TAF2: variants seen among roughly 807,000 people sequenced by gnomAD.
TAF2 encodes the protein transcription initiation factor TFIID subunit 2.
TAF2 carries 61 observed loss-of-function variants against 138.5 expected under a neutral mutation model. The observed-to-expected ratio is 0.44, with a 90% CI of 0.36 to 0.54. TAF2 has a LOEUF of 0.54. Among genes scored for constraint, TAF2 ranks in the 20% least tolerant of loss-of-function variants. TAF2 has a pLI of 0.00. For synonymous variants in TAF2, 475 were observed against 469.9 expected (o/e 1.01, Z -0.14); for missense variants, 1,090 against 1,427.9 (o/e 0.76, Z 3.81).
At chr8:119,758,025 C>G (rs1360190268) in intron 21 of TAF2, 48 bp downstream of exon 21, 1 of 1,470,212 alleles carries the variant, frequency 6.8e-7, no homozygotes, top group African/African-American at 1.4e-5. Context: ...TTACTCAGTT[C>G]ACTATAGGAC....
intron 22 of TAF2, among the ~76,000 whole-genome samples, 171 bp downstream of exon 22, chr8:119,755,835 C>T (rs2131039280): frequency 6.6e-6 from 1 of 152,080 alleles, no homozygotes; most frequent in Non-Finnish European, 1.5e-5. Context: ...TGAGTATATC[C>T]TTAATAAATG....
rs1826555246 is a variant in TAF2, at chr8:119,832,817, C to T, written c.-253G>A. ...TCCGCAAGGGCTCGAAGCTACCATC[C>T]GCCGACATCTTGTCTGTAACCTCTG... On this transcript the variant is annotated 5_prime_UTR_variant, in exon 1 of 26. Coordinates refer to ENST00000378164, the MANE Select transcript of TAF2 (RefSeq NM_003184.4). 1.1e-5 allele frequency: 5 copies of T among 454,318 alleles called. No individual in the cohort carries two copies. The highest frequency in any genetic ancestry group is 2.0e-5 in the Non-Finnish European group (5 of 254,954). The allele number at this position is 454,318 out of a possible 1,614,324, so 28.1% of individuals were successfully genotyped here.
chr8:119,774,543 G>A (rs199823767), intron 18 of TAF2, among the ~76,000 whole-genome samples: 2 of 148,030 alleles, frequency 1.4e-5, no homozygotes, highest in African/African-American at 2.5e-5. Context: ...CGTATTTTAC[G>A]TGTGGCCCAA....
intron 3 of TAF2, 109 bp from the exon 4 acceptor site, chr8:119,806,510 C>T (rs2131221758): frequency 1.2e-6 from 1 of 848,320 alleles, no homozygotes; most frequent in Non-Finnish European, 1.9e-6. Flanking sequence ...CACTCTGTTG[C>T]CCAGGCCAGA....
intron 9 of TAF2, among the ~76,000 whole-genome samples, chr8:119,795,136 C>T (rs1563890647): frequency 6.6e-6 from 1 of 152,008 alleles, no homozygotes; most frequent in African/African-American, 2.4e-5. Flanking sequence ...GCATCATGCA[C>T]ATTACTTGTA....
chr8:119,782,388 G>A (rs192302842), intron 16 of TAF2, among the ~76,000 whole-genome samples: 2 of 152,238 alleles, frequency 1.3e-5, no homozygotes, highest in East Asian at 3.9e-4. Context: ...AGCATACAGG[G>A]ATCACAAAGA....
chr8:119,754,260 A>C (rs1008624105), intron 22 of TAF2, among the ~76,000 whole-genome samples: 1 of 152,246 alleles, frequency 6.6e-6, no homozygotes. Context: ...TAGTGAACTA[A>C]GTAATAAAAT....
intron 25 of TAF2, among the ~76,000 whole-genome samples, chr8:119,733,391 G>A (rs988222384): frequency 6.6e-6 from 1 of 152,100 alleles, no homozygotes; most frequent in African/African-American, 2.4e-5. Context: ...TCAGTACAAA[G>A]AAAGAAACAG....
intron 23 of TAF2, chr8:119,745,095 C>T (rs989808768): frequency 4.4e-6 from 2 of 451,738 alleles, no homozygotes; most frequent in Non-Finnish European, 8.9e-6. Context: ...CATATTATAG[C>T]TGAAAACTAA....
At chr8:119,825,653 G>C (rs1826047568) in intron 2 of TAF2, among the ~76,000 whole-genome samples, 1 of 152,140 alleles carries the variant, frequency 6.6e-6, no homozygotes, top group African/African-American at 2.4e-5. Flanking sequence ...CTGTTGTCAT[G>C]ATAGTCTCAC....
chr8:119,808,657 GA>G (rs1444692433), intron 3 of TAF2, among the ~76,000 whole-genome samples: 1 of 152,180 alleles, frequency 6.6e-6, no homozygotes, highest in Non-Finnish European at 1.5e-5. Context: ...CTTGAAAGTA[GA>G]AATTACTCTT....
At chr8:119,804,656 G>C (rs976798020) in intron 4 of TAF2, among the ~76,000 whole-genome samples, 1 of 152,128 alleles carries the variant, frequency 6.6e-6, no homozygotes, top group African/African-American at 2.4e-5. Context: ...GGTCTCCCCA[G>C]CCATGTCAAA....
At chr8:119,735,521 G>A (rs1023403333) in intron 25 of TAF2, among the ~76,000 whole-genome samples, 2 of 152,130 alleles carry the variant, frequency 1.3e-5, no homozygotes, top group African/African-American at 2.4e-5. Flanking sequence ...TTTAGAACAC[G>A]TGAACAAATC....
rs1822940673 is a variant in TAF2 at position 119,785,283 on chromosome 8, G to A, written c.1794-17C>T. ...TTTTTATTCCTACATTTAAGAAAAA[G>A]TAGGTTGGAAAATTGTGAGATTTCT... is the stretch of plus-strand genomic sequence containing the variant. On this transcript the variant is annotated splice_polypyrimidine_tract_variant and intron_variant, in intron 14 of 25. Transcript: ENST00000378164. 6.3e-7 allele frequency: 1 copy of A among 1,585,800 alleles called. No individual in the cohort carries two copies. The highest frequency in any genetic ancestry group is 8.7e-7 in the Non-Finnish European group (1 of 1,155,318).
At chr8:119,746,615 A>G in intron 23 of TAF2, 90 bp downstream of exon 23, 1 of 1,359,342 alleles carries the variant, frequency 7.4e-7, no homozygotes, top group East Asian at 2.3e-5. Flanking sequence ...GTTAGTGGCT[A>G]TAAAATTCAC....
intron 6 of TAF2, 102 bp downstream of exon 6, chr8:119,801,692 T>G: frequency 8.8e-7 from 1 of 1,140,718 alleles, no homozygotes; most frequent in South Asian, 1.3e-5. Flanking sequence ...CCTCCCAAAG[T>G]GCTGGGATTA....
intron 6 of TAF2, among the ~76,000 whole-genome samples, chr8:119,801,573 C>T (rs763094388): frequency 6.6e-6 from 1 of 151,846 alleles, no homozygotes. Flanking sequence ...GGACTACAGG[C>T]GCCCACCACC....
chr8:119,817,423 T>C (rs552959852), intron 3 of TAF2, among the ~76,000 whole-genome samples: 1 of 152,206 alleles, frequency 6.6e-6, no homozygotes, highest in African/African-American at 2.4e-5. Context: ...GAGAATCTAA[T>C]GCCTGATGAT....
intron 1 of TAF2, 29 bp downstream of exon 1, chr8:119,832,453 G>T (rs750945449): frequency 6.2e-7 from 1 of 1,606,708 alleles, no homozygotes; most frequent in African/African-American, 1.3e-5. Context: ...AAAACCAAAA[G>T]GAAGGAAGGG....
Sources: allele counts gnomAD v4.1 joint callset (sites outside exome capture counted in the v4.1 genomes callset), GRCh38; gene constraint gnomAD v4.1.1; transcripts MANE v1.5; gene names NCBI Gene and HGNC (gene_info 2026-07-23, HGNC 2026-07-21).